PRDM16: variants seen among roughly 807,000 people sequenced by gnomAD.
PRDM16 encodes PR/SET domain 16, also known as histone-lysine N-methyltransferase PRDM16.
Under a neutral mutation model 110.6 loss-of-function variants are expected in PRDM16, and 23 were observed. The observed-to-expected ratio is 0.21, with a 90% CI of 0.15 to 0.29. The LOEUF is 0.29. Ranked by LOEUF, PRDM16 falls within the 10% of genes least tolerant of loss-of-function variation. The pLI, the probability that PRDM16 is intolerant of heterozygous loss-of-function variation, is 1.00. For missense variants in PRDM16, 1,615 were observed against 1,794.3 expected (o/e 0.90, Z 1.81); for synonymous variants, 799 against 781.8 (o/e 1.02, Z -0.37).
At chr1:3,235,740 G>A (rs926372580) in intron 2 of PRDM16, among the ~76,000 whole-genome samples, 3 of 152,104 alleles carry the variant, frequency 2.0e-5, no homozygotes, top group East Asian at 1.9e-4. Flanking sequence ...CGGCGGGGGC[G>A]GGGTGTGGGG....
intron 14 of PRDM16, among the ~76,000 whole-genome samples, chr1:3,429,724 C>T (rs1490563232): frequency 3.3e-5 from 5 of 152,232 alleles, no homozygotes; most frequent in Admixed American, 6.5e-5. Context: ...GAACTCTCCT[C>T]AAGCCCTGAA....
Position 3,076,240 on chromosome 1 carries a change from C to T in PRDM16, c.37+6944C>T, listed in dbSNP as rs1227590853. Among the ~76,000 whole-genome samples the T allele has an allele frequency of 8.5e-5, 13 of 152,230 alleles. No homozygotes were observed. The South Asian group carries it at 2.3e-3, about 27-fold the overall frequency. On this transcript the variant is annotated intron_variant, in intron 1 of 16. Coordinates refer to ENST00000270722, the MANE Select transcript of PRDM16 (RefSeq NM_022114.4). ...TGTGTCCAGGTGTGCGTGTGTGTTG[C>T]GATCCACGTCTTTGCCGCAGCCCTG...
rs566657171 is a variant in PRDM16, at chr1:3,270,410, C to T, written c.438+26273C>T. Among the ~76,000 whole-genome samples, 17 of 135,300 alleles carry T rather than the reference C, an allele frequency of 1.3e-4. No homozygotes were observed. In the East Asian group the frequency reaches 3.7e-3, roughly 30 times the overall value. The allele number at this position is 135,300 out of a possible 152,430, so 88.8% of individuals were successfully genotyped here. A position where few individuals can be genotyped will look rare whatever the true frequency, so the allele number is the denominator to read the frequency against. On this transcript the variant is annotated intron_variant, in intron 3 of 16. Coordinates refer to ENST00000270722, the MANE Select transcript of PRDM16 (RefSeq NM_022114.4). The stretch of plus-strand genomic sequence containing the variant: ...AGGAGGAGGACAGTCAGGAGGAGGA[C>T]AGTCCCAGAGGAGGACAGTCCCAGA...
At chr1:3,267,377 C>T (rs1640319510) in intron 3 of PRDM16, among the ~76,000 whole-genome samples, 2 of 152,184 alleles carry the variant, frequency 1.3e-5, no homozygotes, top group Admixed American at 1.3e-4. Context: ...TAATATTCCC[C>T]TGCGTGGAGG....
intron 1 of PRDM16, among the ~76,000 whole-genome samples, chr1:3,110,233 CCTGGGTGTGGGGACACAGTGGCTGT>C (rs1193913733): frequency 5.0e-5 from 7 of 141,310 alleles, no homozygotes; most frequent in African/African-American, 1.6e-4. Context: ...TCCCCTCTGT[CCTGGGTGTGGGGACACAGTGGCTGT>C]GGCTCCCCTA....
intron 3 of PRDM16, among the ~76,000 whole-genome samples, chr1:3,260,809 T>C (rs1424217355): frequency 6.9e-6 from 1 of 145,676 alleles, no homozygotes; most frequent in Non-Finnish European, 1.5e-5. Context: ...GTGATGATGA[T>C]ACCATTGATG....
At chr1:3,422,809 T>C (rs1638476559) in intron 12 of PRDM16, among the ~76,000 whole-genome samples, 1 of 152,206 alleles carries the variant, frequency 6.6e-6, no homozygotes, top group Admixed American at 6.5e-5. Flanking sequence ...GGGCAGGCTT[T>C]GTGGATGGCC....
rs1295473108 is a variant in PRDM16, at chr1:3,081,469, C to T, written c.37+12173C>T. On this transcript the variant is annotated intron_variant, in intron 1 of 16. Coordinates refer to ENST00000270722, the MANE Select transcript of PRDM16 (RefSeq NM_022114.4). The surrounding 1 kb of genome is among the most constrained non-coding windows in gnomAD (Gnocchi z 4.6). ...TTGTCCCACCAGACCGAGCTGTGGC[C>T]GTGTGAGGAGCAGGGCTGAGGTGGG... Among the ~76,000 whole-genome samples the T allele has an allele frequency of 4.6e-5, 7 of 152,170 alleles. No individual in the cohort carries two copies. Among genetic ancestry groups the T allele is most frequent in the East Asian group, 3.9e-4 (2 of 5,170 alleles).
chr1:3,223,780 G>A (rs951924703), intron 2 of PRDM16, among the ~76,000 whole-genome samples: 2 of 152,226 alleles, frequency 1.3e-5, no homozygotes, highest in East Asian at 1.9e-4. Context: ...GGGGGTCGGC[G>A]GAACAGGCAG....
chr1:3,181,625 C>A (rs1183543600), intron 1 of PRDM16, among the ~76,000 whole-genome samples: 1 of 149,214 alleles, frequency 6.7e-6, no homozygotes, highest in Non-Finnish European at 1.5e-5. Context: ...CACGGTCTTA[C>A]ACATGCAGTC....
intron 2 of PRDM16, among the ~76,000 whole-genome samples, chr1:3,217,918 C>T (rs112173970): frequency 7.9e-5 from 12 of 152,230 alleles, no homozygotes; most frequent in Admixed American, 3.3e-4. Flanking sequence ...CTGCTGCCAC[C>T]GGCCTCTTCC....
At chr1:3,226,179 A>G (rs1361865099) in intron 2 of PRDM16, among the ~76,000 whole-genome samples, 1 of 152,222 alleles carries the variant, frequency 6.6e-6, no homozygotes, top group African/African-American at 2.4e-5. Flanking sequence ...GTTCAGAGCT[A>G]AGAGCTGCCA....
At chr1:3,216,342 C>T (rs1209987452) in intron 2 of PRDM16, among the ~76,000 whole-genome samples, 2 of 152,192 alleles carry the variant, frequency 1.3e-5, no homozygotes, top group African/African-American at 4.8e-5. Flanking sequence ...GACATCCATG[C>T]CACGGGGCTG....
chr1:3,088,617 C>A (rs1222477316), intron 1 of PRDM16, among the ~76,000 whole-genome samples: 1 of 151,274 alleles, frequency 6.6e-6, no homozygotes, highest in African/African-American at 2.4e-5. Context: ...AAGCACCTGC[C>A]ACCACGCCTG....
intron 2 of PRDM16, among the ~76,000 whole-genome samples, chr1:3,198,261 C>G (rs949822244): frequency 3.3e-5 from 5 of 152,212 alleles, no homozygotes; most frequent in Admixed American, 3.3e-4. Flanking sequence ...GGCAGCGTCT[C>G]TCTGGGGTGA....
In PRDM16 at chr1:3,181,437, A is replaced by C. The variant is rs200735695; in HGVS notation, c.38-4688A>C. ...AGTCTTACACACGCGGTCTTACACA[A>C]GCAGTCTTACACGGTCTTACACACG... On this transcript the variant is annotated intron_variant, in intron 1 of 16. Coordinates refer to ENST00000270722, the MANE Select transcript of PRDM16 (RefSeq NM_022114.4). 1.5e-3 allele frequency among the ~76,000 whole-genome samples: 30 copies of C among 19,646 alleles called. 6 individuals are homozygous for C. The highest frequency in any genetic ancestry group is 6.0e-3 in the Admixed American group (7 of 1,174). 12.9% of individuals were successfully genotyped at this position (19,646 alleles called of 152,430 possible).
At chr1:3,200,738 G>C (rs1221165924) in intron 2 of PRDM16, among the ~76,000 whole-genome samples, 1 of 150,152 alleles carries the variant, frequency 6.7e-6, no homozygotes, top group Non-Finnish European at 1.5e-5. Flanking sequence ...AATGCAGAGA[G>C]TGCTGCTTGT....
At chr1:3,408,961 C>T (rs1643616389) in intron 8 of PRDM16, among the ~76,000 whole-genome samples, 2 of 137,474 alleles carry the variant, frequency 1.5e-5, no homozygotes, top group African/African-American at 5.6e-5. Flanking sequence ...GCGTGTGAGC[C>T]AGTGCATGTG....
rs1035728179 is a variant in PRDM16 at position 3,438,476 on chromosome 1, A to T, written c.*4665A>T. On this transcript the variant is annotated 3_prime_UTR_variant, in exon 17 of 17. Transcript: ENST00000270722. ...GATGAACACAAATGTACTTGTGTAG[A>T]GACATTTCCTTAAGAGAAAGCCTAG... The T allele has an allele frequency of 3.4e-5, 7 of 207,708 alleles. No individual in the cohort carries two copies. The highest frequency in any genetic ancestry group is 6.9e-5 in the Non-Finnish European group (7 of 102,074). 12.9% of individuals were successfully genotyped at this position (207,708 alleles called of 1,614,324 possible).
Sources: allele counts gnomAD v4.1 joint callset (sites outside exome capture counted in the v4.1 genomes callset), GRCh38; gene constraint gnomAD v4.1.1; non-coding constraint Gnocchi (gnomAD v3.1); transcripts MANE v1.5; gene names NCBI Gene and HGNC (gene_info 2026-07-23, HGNC 2026-07-21).